ZNF480: variants seen among roughly 807,000 people sequenced by gnomAD.
The protein encoded by ZNF480 is zinc finger protein 480.
Under a neutral mutation model 14.4 loss-of-function variants are expected in ZNF480, and 15 were observed. The observed-to-expected ratio is 1.04, with a 90% CI of 0.70 to 1.60. The LOEUF (loss-of-function observed/expected upper bound fraction) is 1.60. Among genes scored for constraint, ZNF480 ranks in the 40% most tolerant of loss-of-function variants. The pLI is 0.00. For missense variants in ZNF480, 593 were observed against 629.7 expected, an observed-to-expected ratio of 0.94 and a Z score of 0.62; for synonymous variants, 218 against 215.5, an observed-to-expected ratio of 1.01 and a Z score of -0.10.
chr19:52,300,600 T>C (rs1160838749), intron 2 of ZNF480, 116 bp downstream of exon 2: 48 of 1,550,322 alleles, frequency 3.1e-5, no homozygotes, highest in Non-Finnish European at 4.1e-5. Flanking sequence ...TTGCTCACGC[T>C]TACCTATGCC....
rs775675285 is a variant in ZNF480, at chr19:52,322,355, A to T, written c.1105A>T (p.Lys369Ter). 5.6e-6 allele frequency: 9 copies of T among 1,613,894 alleles called. No homozygotes were observed. The highest frequency in any genetic ancestry group is 7.6e-6 in the Non-Finnish European group (9 of 1,180,012). Residue 369 changes from lysine (K) to a stop codon, truncating the protein, a stop_gained, in exon 5 of 5, where the codon AAA (lysine) becomes TAA (stop). Coordinates refer to ENST00000595962, the MANE Select transcript of ZNF480 (RefSeq NM_144684.4). LOFTEE classifies it low-confidence loss of function (END_TRUNC). The stretch of plus-strand genomic sequence containing the variant: ...ACATCAGAAAATTCATACTGGAGAG[A>T]AACCTTACAAATGTAATGAATGTGG... ...VRHQKIHTGE[K>*]PYKCNECGKV...
At position 52,322,863 on chromosome 19, in the gene ZNF480, T is replaced by TACAAATGCA. The variant is rs1406829898; in HGVS notation, c.*14_*22dup. ...TGGACAATTCATATGGGATAGAAACTACAAATGCAACAAATGCGTCAAAGA... is the reference window on the plus strand; with the variant it reads ...TGGACAATTCATATGGGATAGAAACTACAAATGCAACAAATGCAACAAATGCGTCAAAGA... On this transcript the variant is annotated 3_prime_UTR_variant, in exon 5 of 5. Transcript: ENST00000595962. The TACAAATGCA allele has an allele frequency of 6.5e-7, 1 of 1,550,224 alleles. No individual in the cohort carries two copies. The highest frequency in any genetic ancestry group is 8.7e-7 in the Non-Finnish European group (1 of 1,145,992).
intron 1 of ZNF480, among the ~76,000 whole-genome samples, chr19:52,300,088 G>A (rs1021548388): frequency 1.3e-5 from 2 of 152,208 alleles, no homozygotes; most frequent in Non-Finnish European, 2.9e-5. Context: ...GAGAGGAGGG[G>A]CTGTGCTCTG....
At chr19:52,305,412 A>G (rs1418236039) in intron 2 of ZNF480, among the ~76,000 whole-genome samples, 1 of 152,164 alleles carries the variant, frequency 6.6e-6, no homozygotes, top group Non-Finnish European at 1.5e-5. Context: ...CGAGCTTCCA[A>G]ATCCTCCTGT....
intron 4 of ZNF480, among the ~76,000 whole-genome samples, chr19:52,317,721 T>C (rs1270256770): frequency 6.6e-6 from 1 of 152,200 alleles, no homozygotes; most frequent in African/African-American, 2.4e-5. Context: ...CCTATACTGA[T>C]CATTTGATTT....
rs1427887897 is a variant in ZNF480 at position 52,299,821 on chromosome 19, G to A, written c.-19-573G>A. Among the ~76,000 whole-genome samples, 10 of 152,168 alleles carry A rather than the reference G, an allele frequency of 6.6e-5. No homozygotes were observed. The South Asian group carries it at 2.1e-3, about 32-fold the overall frequency. ...CATTTCTCCTGCCTCAGCCTCCCAA[G>A]TAGCTGGGATTATAGGTGTGTGCCA... On this transcript the variant is annotated intron_variant, in intron 1 of 4. Coordinates refer to ENST00000595962, the MANE Select transcript of ZNF480 (RefSeq NM_144684.4).
intron 2 of ZNF480, among the ~76,000 whole-genome samples, chr19:52,310,861 C>T (rs12973398): frequency 3.3e-5 from 5 of 150,686 alleles, no homozygotes; most frequent in Non-Finnish European, 4.4e-5. Flanking sequence ...AAAAATTAGC[C>T]GGGCATGGTG....
intron 4 of ZNF480, among the ~76,000 whole-genome samples, chr19:52,319,290 A>T (rs1983696186): frequency 6.6e-6 from 1 of 152,158 alleles, no homozygotes; most frequent in African/African-American, 2.4e-5. Context: ...AGTAGTAATG[A>T]ACTTTCTTAG....
intron 1 of ZNF480, among the ~76,000 whole-genome samples, 175 bp from the exon 2 acceptor site, chr19:52,300,217 TAA>T (rs1217914800): frequency 6.6e-6 from 1 of 152,122 alleles, no homozygotes. Context: ...TGAAGACGAG[TAA>T]AAAACTCACT....
Position 52,321,620 on chromosome 19 carries a change from A to G in ZNF480, c.370A>G (p.Ile124Val), listed in dbSNP as rs1983814152. ...ALGSNAEDKP[I>V]KKQLGVSFHL... ...GGGAAGCAATGCAGAAGACAAACCA[A>G]TTAAAAAACAACTTGGAGTATCCTT... The change falls in exon 5 of 5, where the codon ATT becomes GTT. Residue 124 changes from isoleucine to valine, a missense_variant. Ile to Val is a conservative substitution (Grantham distance 29). Coordinates refer to ENST00000595962, the MANE Select transcript of ZNF480 (RefSeq NM_144684.4). The G allele has an allele frequency of 1.2e-6, 2 of 1,607,920 alleles. No homozygotes were observed. Among genetic ancestry groups the G allele is most frequent in the East Asian group, 4.5e-5 (2 of 44,754 alleles).
Position 52,314,176 on chromosome 19 carries a change from G to A in ZNF480, c.96G>A (p.Val32=). Residue 32 remains valine (V), a synonymous_variant, in exon 3 of 5, where the codon GTG becomes GTA. Coordinates refer to ENST00000595962, the MANE Select transcript of ZNF480 (RefSeq NM_144684.4). The part of the protein sequence containing the change: ...LPQGHLTFRD[V]AIEFSQAEWK... ...AGGGACACTTAACATTCAGGGACGT[G>A]GCCATAGAATTCTCTCAGGCGGAGT... 6.3e-7 allele frequency: 1 copy of A among 1,578,076 alleles called. No individual in the cohort carries two copies.
Position 52,300,155 on chromosome 19 carries a change from C to G in ZNF480, c.-19-239C>G, listed in dbSNP as rs1982616062. On this transcript the variant is annotated intron_variant, in intron 1 of 4. Coordinates refer to ENST00000595962, the MANE Select transcript of ZNF480 (RefSeq NM_144684.4). ...TGAAGGGGAGCTTAGACCAGGCCAG[C>G]TCCCCACTGCTGCAGCGTGCGTGTG... is the stretch of plus-strand genomic sequence containing the variant. 2.0e-5 allele frequency among the ~76,000 whole-genome samples: 3 copies of G among 152,208 alleles called. No homozygotes were observed. In the South Asian group the frequency reaches 6.2e-4, roughly 32 times the overall value.
At chr19:52,320,434 C>T (rs192549766) in intron 4 of ZNF480, among the ~76,000 whole-genome samples, 18 of 152,270 alleles carry the variant, frequency 1.2e-4, no homozygotes, top group Middle Eastern at 3.4e-3. Flanking sequence ...AGGAGGATCA[C>T]TTGAGCCAAG....
intron 2 of ZNF480, chr19:52,302,143 A>G (rs554100059): frequency 1.7e-4 from 37 of 221,906 alleles, no homozygotes; most frequent in African/African-American, 7.3e-4. Flanking sequence ...GGAGATACAC[A>G]AGCATAACTT....
At chr19:52,310,478 T>C (rs975216830) in intron 2 of ZNF480, among the ~76,000 whole-genome samples, 4 of 151,956 alleles carry the variant, frequency 2.6e-5, no homozygotes, top group Non-Finnish European at 5.9e-5. Context: ...CCAACTAATT[T>C]TTTTTTTTTT....
intron 2 of ZNF480, among the ~76,000 whole-genome samples, chr19:52,304,043 A>G (rs1216832304): frequency 6.6e-6 from 1 of 152,238 alleles, no homozygotes; most frequent in Non-Finnish European, 1.5e-5. Context: ...AATATCGTCC[A>G]TATAATGAAT....
Position 52,325,032 on chromosome 19 carries a change from A to G in ZNF480, c.*2174A>G, listed in dbSNP as rs1329688894. 4 of 152,210 alleles carry G rather than the reference A, an allele frequency of 2.6e-5. No individual in the cohort carries two copies. Among genetic ancestry groups the G allele is most frequent in the Non-Finnish European group, 5.9e-5 (4 of 68,022 alleles). The allele number at this position is 152,210 out of a possible 1,614,324, so 9.4% of individuals were successfully genotyped here. On this transcript the variant is annotated 3_prime_UTR_variant, in exon 5 of 5. Transcript: ENST00000595962. Reference sequence around the variant, plus strand: ...ACAAACTGCATCTGACAAAGATCTAATCCAGAATCTATAAAGAACTCAAAC... The same window carrying G: ...ACAAACTGCATCTGACAAAGATCTAGTCCAGAATCTATAAAGAACTCAAAC...
chr19:52,318,785 A>ATTT (rs1459514344), intron 4 of ZNF480, among the ~76,000 whole-genome samples: 1 of 151,920 alleles, frequency 6.6e-6, no homozygotes, highest in Non-Finnish European at 1.5e-5. Context: ...TCCTTGTTAC[A>ATTT]TGGTCTTGAC....
In ZNF480 at chr19:52,322,368, G is replaced by A; in HGVS notation, c.1118G>A (p.Cys373Tyr). 1.9e-6 allele frequency: 3 copies of A among 1,613,944 alleles called. No homozygotes were observed. Among genetic ancestry groups the A allele is most frequent in the Middle Eastern group, 1.6e-4 (1 of 6,062 alleles). ...KIHTGEKPYK[C>Y]NECGKVFIQN... is the part of the protein sequence containing the mutation. Reference sequence around the variant, plus strand: ...CATACTGGAGAGAAACCTTACAAATGTAATGAATGTGGAAAGGTCTTTATT... The same window carrying A: ...CATACTGGAGAGAAACCTTACAAATATAATGAATGTGGAAAGGTCTTTATT... Residue 373 changes from cysteine to tyrosine, a missense_variant, in exon 5 of 5, where the codon TGT becomes TAT. Coordinates refer to ENST00000595962, the MANE Select transcript of ZNF480 (RefSeq NM_144684.4).
Sources: gnomAD v4.1 joint callset for allele counts (sites outside exome capture counted in the v4.1 genomes callset) on GRCh38, gnomAD v4.1.1 for gene constraint, MANE v1.5 for transcripts, NCBI Gene and HGNC (gene_info 2026-07-23, HGNC 2026-07-21) for gene names.